The following SGCZ variants were observed in gnomAD, a reference collection of about 807,000 sequenced individuals.
SGCZ encodes zeta-sarcoglycan.
Under a neutral mutation model 41.3 loss-of-function variants are expected in SGCZ, and 40 were observed. That is an observed-to-expected ratio of 0.97 (90% CI 0.75 to 1.26). The LOEUF (loss-of-function observed/expected upper bound fraction) is 1.26, where lower values mean the gene tolerates loss of function less well. Among genes scored for constraint, SGCZ ranks in the 50% most tolerant of loss-of-function variants. The probability of loss-of-function intolerance (pLI) is 0.00; values close to 1 mark genes in which losing one functional copy is unlikely to be tolerated. For synonymous variants in SGCZ, 206 were observed against 137.5 expected (o/e 1.50, Z -3.49); for missense variants, 552 against 369.8 (o/e 1.49, Z -4.04).
intron 5 of SGCZ, among the ~76,000 whole-genome samples, chr8:14,158,317 C>T (rs1400209855): frequency 2.6e-5 from 4 of 152,104 alleles, no homozygotes; most frequent in Non-Finnish European, 5.9e-5. Context: ...GTAATTTAGG[C>T]TCCTAATAAA....
chr8:14,247,595 G>A (rs1799148092), intron 3 of SGCZ, among the ~76,000 whole-genome samples: 1 of 152,156 alleles, frequency 6.6e-6, no homozygotes, highest in Non-Finnish European at 1.5e-5. Context: ...CACTGCTGTT[G>A]CTTTAGTCAG....
rs184032874 is a variant in SGCZ at position 14,812,447 on chromosome 8, G to C, written c.40-257521C>G. 3.2e-3 allele frequency among the ~76,000 whole-genome samples: 485 copies of C among 152,140 alleles called. 2 individuals are homozygous for C. Among genetic ancestry groups the C allele is most frequent in the Non-Finnish European group, 5.2e-3 (350 of 67,960 alleles). ...TTACAGAGTATTTGTTTGTCAACAA[G>C]GTAAAACACAGGCCTGGAATATAAC... On this transcript the variant is annotated intron_variant, in intron 1 of 7. Coordinates refer to ENST00000382080, the MANE Select transcript of SGCZ (RefSeq NM_139167.4).
rs752382350 is a variant in SGCZ, at chr8:14,928,792, G to T, written c.39+308793C>A. 4.6e-5 allele frequency among the ~76,000 whole-genome samples: 7 copies of T among 152,126 alleles called. 1 individual carries two copies. The East Asian group carries it at 9.7e-4, about 21-fold the overall frequency. ...CAGGTAGGAATTGTGACAGCTTTGC[G>T]TATGTAATTTTTCTGGCAATCTAAT... On this transcript the variant is annotated intron_variant, in intron 1 of 7. Transcript: ENST00000382080.
chr8:15,149,516 T>C (rs1319808985), intron 1 of SGCZ, among the ~76,000 whole-genome samples: 1 of 152,176 alleles, frequency 6.6e-6, no homozygotes, highest in Non-Finnish European at 1.5e-5. Context: ...CCTCCAAGGC[T>C]CTGACAGACA....
chr8:14,961,652 C>T (rs1800970595), intron 1 of SGCZ, among the ~76,000 whole-genome samples: 1 of 152,140 alleles, frequency 6.6e-6, no homozygotes, highest in Non-Finnish European at 1.5e-5. Context: ...CCACTAGGAT[C>T]TGCAGTTTCA....
chr8:14,542,364 A>C (rs1007358768), intron 2 of SGCZ, among the ~76,000 whole-genome samples: 5 of 152,136 alleles, frequency 3.3e-5, no homozygotes, highest in Non-Finnish European at 5.9e-5. Flanking sequence ...CACTATCAAC[A>C]AAATTGCAGA....
chr8:14,271,128 T>C (rs1800044701), intron 3 of SGCZ, among the ~76,000 whole-genome samples: 1 of 151,668 alleles, frequency 6.6e-6, no homozygotes, highest in Admixed American at 6.6e-5. Flanking sequence ...CGCACACCAA[T>C]ATGGCACATG....
chr8:14,122,662 TTAAAGAGTCATAACATCTTC>T (rs1276395715), intron 5 of SGCZ, among the ~76,000 whole-genome samples: 1 of 152,218 alleles, frequency 6.6e-6, no homozygotes, highest in Non-Finnish European at 1.5e-5. Context: ...GTCTACATTT[TTAAAGAGTCATAACATCTTC>T]ACTGGCTAAT....
chr8:14,914,531 A>G, intron 1 of SGCZ, among the ~76,000 whole-genome samples: 1 of 110,988 alleles, frequency 9.0e-6, no homozygotes, highest in South Asian at 2.9e-4. Flanking sequence ...AGAGACAGTG[A>G]AAAAAAAATG....
intron 1 of SGCZ, among the ~76,000 whole-genome samples, chr8:14,959,292 T>C (rs945717518): frequency 4.6e-5 from 7 of 152,110 alleles, no homozygotes; most frequent in African/African-American, 1.7e-4. Flanking sequence ...AGAATACATA[T>C]TCATGATTCC....
intron 1 of SGCZ, among the ~76,000 whole-genome samples, chr8:14,787,467 G>T (rs1800804313): frequency 6.6e-6 from 1 of 151,988 alleles, no homozygotes; most frequent in Non-Finnish European, 1.5e-5. Context: ...ATAAAAAGTT[G>T]TAAACTTTAC....
intron 1 of SGCZ, among the ~76,000 whole-genome samples, chr8:14,688,506 G>A (rs1266921160): frequency 6.6e-6 from 1 of 152,072 alleles, no homozygotes; most frequent in Non-Finnish European, 1.5e-5. Flanking sequence ...GATAGTTGTA[G>A]ATATGCAGCA....
intron 1 of SGCZ, among the ~76,000 whole-genome samples, chr8:15,215,214 T>A (rs1469840964): frequency 6.6e-6 from 1 of 152,224 alleles, no homozygotes; most frequent in Non-Finnish European, 1.5e-5. Flanking sequence ...GTTACAAAGA[T>A]AATTATTGCT....
chr8:14,560,735 T>C (rs1039114021), intron 1 of SGCZ, among the ~76,000 whole-genome samples: 4 of 152,124 alleles, frequency 2.6e-5, no homozygotes, highest in Admixed American at 2.6e-4. Flanking sequence ...AAGAAAATTG[T>C]CTTTCAGCAA....
intron 1 of SGCZ, among the ~76,000 whole-genome samples, chr8:14,726,313 T>TAC (rs200512797): frequency 0.022 from 2,884 of 130,404 alleles, 70 homozygotes; most frequent in African/African-American, 0.047. Context: ...TGTAAATACA[T>TAC]ATATATATAT....
At chr8:14,499,762 T>G (rs1802095988) in intron 2 of SGCZ, among the ~76,000 whole-genome samples, 1 of 151,082 alleles carries the variant, frequency 6.6e-6, no homozygotes, top group South Asian at 2.1e-4. Flanking sequence ...CTTATCAATT[T>G]GTATATAGAT....
intron 1 of SGCZ, among the ~76,000 whole-genome samples, chr8:14,728,470 T>C (rs1332120950): frequency 6.7e-6 from 1 of 148,930 alleles, no homozygotes; most frequent in Non-Finnish European, 1.5e-5. Flanking sequence ...AATAAACAAA[T>C]AATTTGAAAA....
At chr8:14,600,407 T>C (rs369772329) in intron 1 of SGCZ, among the ~76,000 whole-genome samples, 2 of 152,136 alleles carry the variant, frequency 1.3e-5, no homozygotes, top group African/African-American at 4.8e-5. Flanking sequence ...GTACTCCACA[T>C]CCTCACTGGA....
At chr8:14,595,793 T>C (rs565635719) in intron 1 of SGCZ, among the ~76,000 whole-genome samples, 24 of 152,342 alleles carry the variant, frequency 1.6e-4, no homozygotes, top group African/African-American at 5.3e-4. Flanking sequence ...TGCTGCCTTA[T>C]TGAGTGGAAA....
Sources: gnomAD v4.1 joint callset for allele counts (sites outside exome capture counted in the v4.1 genomes callset) on GRCh38, gnomAD v4.1.1 for gene constraint, MANE v1.5 for transcripts, NCBI Gene and HGNC (gene_info 2026-07-23, HGNC 2026-07-21) for gene names.